Variants in CNTN5 observed in about 807,000 individuals in gnomAD.
CNTN5 encodes the protein contactin-5.
CNTN5 carries 77 observed loss-of-function variants against 129.1 expected under a neutral mutation model. That is an observed-to-expected ratio of 0.60 (90% CI 0.50 to 0.72). The LOEUF (loss-of-function observed/expected upper bound fraction) is 0.72, where lower values mean the gene tolerates loss of function less well. Among genes scored for constraint, CNTN5 ranks in the 30% least tolerant of loss-of-function variants. The pLI is 0.00. For synonymous variants in CNTN5, 509 were observed against 465.6 expected (o/e 1.09, Z -1.20); for missense variants, 1,478 against 1,328.8 (o/e 1.11, Z -1.75).
At chr11:99,874,346 TG>T (rs1291457614) in intron 6 of CNTN5, among the ~76,000 whole-genome samples, 37 of 152,224 alleles carry the variant, frequency 2.4e-4, no homozygotes, top group African/African-American at 8.9e-4. Flanking sequence ...AGGATTTTTC[TG>T]ATTAGACACA....
intron 9 of CNTN5, among the ~76,000 whole-genome samples, chr11:100,014,505 TG>T (rs1402441646): frequency 1.3e-5 from 2 of 152,034 alleles, no homozygotes; most frequent in Non-Finnish European, 2.9e-5. Context: ...CGCTTGAACC[TG>T]GGAGGCGGAG....
intron 16 of CNTN5, among the ~76,000 whole-genome samples, chr11:100,251,955 A>C (rs929211033): frequency 3.3e-5 from 5 of 152,106 alleles, no homozygotes; most frequent in African/African-American, 1.2e-4. Flanking sequence ...GCGGGATCAC[A>C]TGGCAGTTCT....
chr11:99,772,919 A>G (rs1944994216), intron 3 of CNTN5, among the ~76,000 whole-genome samples: 1 of 152,032 alleles, frequency 6.6e-6, no homozygotes, highest in Non-Finnish European at 1.5e-5. Context: ...TTGGTTTTGT[A>G]TTGTCTAAGT....
At chr11:99,537,816 G>A (rs1181453789) in intron 2 of CNTN5, among the ~76,000 whole-genome samples, 1 of 152,158 alleles carries the variant, frequency 6.6e-6, no homozygotes, top group Non-Finnish European at 1.5e-5. Context: ...CAATGATACA[G>A]CTTTCTAGGG....
chr11:99,724,060 A>T, intron 3 of CNTN5, among the ~76,000 whole-genome samples: 1 of 152,134 alleles, frequency 6.6e-6, no homozygotes, highest in Non-Finnish European at 1.5e-5. Context: ...ACCTTATTAC[A>T]CACACGTACT....
intron 1 of CNTN5, among the ~76,000 whole-genome samples, chr11:99,264,199 T>A (rs925299896): frequency 6.6e-6 from 1 of 151,444 alleles, no homozygotes; most frequent in Non-Finnish European, 1.5e-5. Context: ...TTAAATTTTA[T>A]ACAAGAAGAT....
At chr11:99,319,367 A>G (rs374351726) in intron 1 of CNTN5, among the ~76,000 whole-genome samples, 1 of 152,008 alleles carries the variant, frequency 6.6e-6, no homozygotes, top group East Asian at 1.9e-4. Flanking sequence ...TTCAGTTCGT[A>G]TTTTTCTTCA....
chr11:99,095,425 G>A (rs1383349961), intron 1 of CNTN5, among the ~76,000 whole-genome samples: 3 of 151,870 alleles, frequency 2.0e-5, no homozygotes, highest in African/African-American at 4.8e-5. Context: ...GTAATATAAT[G>A]AGAGTACAAA....
chr11:99,692,447 C>T (rs756876260), intron 3 of CNTN5, among the ~76,000 whole-genome samples: 15 of 152,042 alleles, frequency 9.9e-5, no homozygotes, highest in Non-Finnish European at 2.1e-4. Flanking sequence ...GACAGTTTCC[C>T]GCAGCATTTG....
intron 16 of CNTN5, among the ~76,000 whole-genome samples, chr11:100,251,631 CTT>C (rs574389342): frequency 6.6e-6 from 1 of 151,692 alleles, no homozygotes; most frequent in Non-Finnish European, 1.5e-5. Context: ...CTATGAGATC[CTT>C]TTTTTTAGCT....
At chr11:100,099,574 C>T (rs576156510) in intron 13 of CNTN5, among the ~76,000 whole-genome samples, 1 of 152,018 alleles carries the variant, frequency 6.6e-6, no homozygotes, top group African/African-American at 2.4e-5. Context: ...GGCTACCTTG[C>T]CATTCTTCAA....
chr11:100,302,734 G>A (rs536228067), intron 20 of CNTN5, among the ~76,000 whole-genome samples: 1 of 151,542 alleles, frequency 6.6e-6, no homozygotes, highest in African/African-American at 2.4e-5. Context: ...TTTCCCAATG[G>A]AACATGGATA....
At chr11:99,800,495 G>A (rs553080624) in intron 3 of CNTN5, among the ~76,000 whole-genome samples, 5 of 152,164 alleles carry the variant, frequency 3.3e-5, no homozygotes, top group Admixed American at 6.5e-5. Context: ...GGATTTCTTT[G>A]TTAGTTTTGG....
intron 8 of CNTN5, among the ~76,000 whole-genome samples, chr11:99,982,866 C>T (rs150157679): frequency 0.026 from 3,907 of 152,220 alleles, 188 homozygotes; most frequent in African/African-American, 0.09. Context: ...TGGTCTCGAT[C>T]TCCTGACCTC....
At chr11:99,490,974 A>T (rs1409252836) in intron 2 of CNTN5, among the ~76,000 whole-genome samples, 1 of 152,060 alleles carries the variant, frequency 6.6e-6, no homozygotes, top group Non-Finnish European at 1.5e-5. Flanking sequence ...CAGCTAAAAC[A>T]GAATACTGGT....
chr11:99,440,158 A>C (rs191676222), intron 2 of CNTN5, among the ~76,000 whole-genome samples: 7 of 152,236 alleles, frequency 4.6e-5, no homozygotes, highest in African/African-American at 1.7e-4. Context: ...GGATAATTAC[A>C]TTTAGAAGTG....
intron 3 of CNTN5, among the ~76,000 whole-genome samples, chr11:99,817,905 T>G (rs1362613789): frequency 6.6e-6 from 1 of 151,996 alleles, no homozygotes; most frequent in Non-Finnish European, 1.5e-5. Context: ...CAGCAAAGAG[T>G]CAAGGACATG....
intron 1 of CNTN5, among the ~76,000 whole-genome samples, chr11:99,024,937 C>T (rs72996399): frequency 0.067 from 10,177 of 151,992 alleles, 427 homozygotes; most frequent in Middle Eastern, 0.15. Context: ...CATTTTTAAA[C>T]GTTTCAGAAA....
chr11:99,184,349 C>A (rs1055501902), intron 1 of CNTN5, among the ~76,000 whole-genome samples: 1 of 151,986 alleles, frequency 6.6e-6, no homozygotes, highest in East Asian at 1.9e-4. Flanking sequence ...GAACTCACAG[C>A]TGCTACTCCC....
Sources: allele counts gnomAD v4.1 joint callset (sites outside exome capture counted in the v4.1 genomes callset), GRCh38; gene constraint gnomAD v4.1.1; transcripts MANE v1.5; gene names NCBI Gene and HGNC (gene_info 2026-07-23, HGNC 2026-07-21).